The following RASA3 variants were observed in gnomAD, a reference collection of about 807,000 sequenced individuals.
RASA3 encodes ras GTPase-activating protein 3.
In RASA3, 73 loss-of-function variants were observed where a neutral mutation model predicts 110.0. The ratio of observed to expected loss-of-function variants is 0.66; its 90% CI spans 0.55 to 0.81. RASA3 has a LOEUF of 0.81. Among genes scored for constraint, RASA3 ranks in the 30% least tolerant of loss-of-function variants. The pLI, the probability that RASA3 is intolerant of heterozygous loss-of-function variation, is 0.00. For missense variants in RASA3, 976 were observed against 1,113.2 expected (o/e 0.88, Z 1.75); for synonymous variants, 500 against 451.4 (o/e 1.11, Z -1.37).
At chr13:114,079,491 C>T (rs2079746172) in intron 1 of RASA3, among the ~76,000 whole-genome samples, 1 of 152,224 alleles carries the variant, frequency 6.6e-6, no homozygotes, top group South Asian at 2.1e-4. Context: ...GCTAGGCACA[C>T]AGCGTCTTCT....
intron 1 of RASA3, among the ~76,000 whole-genome samples, chr13:114,113,326 G>A (rs1319842620): frequency 6.6e-6 from 1 of 152,212 alleles, no homozygotes; most frequent in African/African-American, 2.4e-5. Flanking sequence ...TGTGGCTTGA[G>A]CTCAGCACAG....
intron 1 of RASA3, among the ~76,000 whole-genome samples, chr13:114,090,587 C>T (rs903900594): frequency 2.6e-5 from 4 of 152,188 alleles, no homozygotes; most frequent in Non-Finnish European, 4.4e-5. Flanking sequence ...CTCATCACAG[C>T]GTGAGTCTGG....
intron 12 of RASA3, 42 bp from the exon 13 acceptor site, chr13:114,016,313 G>A (rs2053791115): frequency 6.9e-7 from 1 of 1,446,652 alleles, no homozygotes; most frequent in African/African-American, 1.4e-5. Context: ...GTGGGTTCTG[G>A]GGGCACAGGC....
intron 8 of RASA3, among the ~76,000 whole-genome samples, chr13:114,021,867 C>G (rs1319294157): frequency 6.6e-6 from 1 of 151,526 alleles, no homozygotes; most frequent in African/African-American, 2.4e-5. Flanking sequence ...CTGCGTGCAC[C>G]CAGGAGCTAC....
chr13:114,040,988 CGA>C lies in RASA3; in HGVS notation c.372+10_372+11del, dbSNP rs2054393271. 2.5e-6 allele frequency: 4 copies of C among 1,612,842 alleles called. No homozygotes were observed. The highest frequency in any genetic ancestry group is 2.7e-5 in the African/African-American group (2 of 74,932). On this transcript the variant is annotated intron_variant, in intron 4 of 23. Coordinates refer to ENST00000334062, the MANE Select transcript of RASA3 (RefSeq NM_007368.4). ...AGGGCTCTGGTTTCCGGGGCTGCGC[CGA>C]GAGTCTCACCTGCACTTCCGAGTCA...
intron 2 of RASA3, among the ~76,000 whole-genome samples, chr13:114,058,770 C>T (rs966797447): frequency 2.6e-5 from 4 of 152,238 alleles, no homozygotes; most frequent in Admixed American, 1.3e-4. Context: ...CCCTGCCCCT[C>T]GCAGGGGAGC....
chr13:114,014,773 A>C lies in RASA3; in HGVS notation c.1405+436T>G, dbSNP rs1022782479. 1.3e-5 allele frequency among the ~76,000 whole-genome samples: 2 copies of C among 151,762 alleles called. No homozygotes were observed. The highest frequency in any genetic ancestry group is 2.4e-5 in the African/African-American group (1 of 41,278). On this transcript the variant is annotated intron_variant, in intron 14 of 23. Coordinates refer to ENST00000334062, the MANE Select transcript of RASA3 (RefSeq NM_007368.4). This position sits in a 1 kb window ranked among gnomAD's most constrained non-coding sequence, Gnocchi z 4.5. ...ACGGGCAGGCAGAGCCCCCAACACCACTCTGGGCCCTGCCAGGGTCGGCCA... is the reference window on the plus strand; with the variant it reads ...ACGGGCAGGCAGAGCCCCCAACACCCCTCTGGGCCCTGCCAGGGTCGGCCA...
intron 2 of RASA3, among the ~76,000 whole-genome samples, chr13:114,070,347 C>A (rs1007979489): frequency 8.5e-5 from 13 of 152,058 alleles, no homozygotes; most frequent in African/African-American, 2.2e-4. Context: ...CTGCCTGACA[C>A]CTGCCTCTCA....
Position 114,018,129 on chromosome 13 carries a change from C to A in RASA3, c.1066G>T (p.Ala356Ser), listed in dbSNP as rs1452773154. The change falls in exon 11 of 24, where the codon GCC (alanine) becomes TCC (serine). Residue 356 changes from alanine to serine, a missense_variant. Physicochemically the swap from Ala to Ser is moderately conservative, Grantham distance 99. This residue lies in a region of RASA3 where 732 missense variants were observed against 779.7 expected (regional missense o/e 0.94). Transcript: ENST00000334062. ...GRVVPFISAI[A>S]SAEVKRTQDP... ...TGGGTCCGCTTCACCTCCGCGCTGG[C>A]GATGGCACTGATGAATGGCACCACC... The A allele has an allele frequency of 6.5e-7, 1 of 1,549,360 alleles. No homozygotes were observed. Among genetic ancestry groups the A allele is most frequent in the Non-Finnish European group, 8.7e-7 (1 of 1,146,300 alleles).
At chr13:114,095,548 T>C (rs1323562054) in intron 1 of RASA3, among the ~76,000 whole-genome samples, 1 of 152,188 alleles carries the variant, frequency 6.6e-6, no homozygotes. Flanking sequence ...GATTTTTCCA[T>C]GCTGTAGTCT....
rs563260170 is a variant in RASA3 at position 114,016,094 on chromosome 13, A to C, written c.1281+103T>G. On this transcript the variant is annotated intron_variant, in intron 13 of 23. Coordinates refer to ENST00000334062, the MANE Select transcript of RASA3 (RefSeq NM_007368.4). ...TATCCCCACGCCTGGTCCTGCTCCC[A>C]CCCCAACCGGGGTCACGGGGTGAGT... The C allele has an allele frequency of 5.5e-5, 58 of 1,047,656 alleles. No homozygotes were observed. The African/African-American group carries it at 8.5e-4, about 15-fold the overall frequency. 64.9% of individuals were successfully genotyped at this position (1,047,656 alleles called of 1,614,324 possible).
rs2080230155 is a variant in RASA3, at chr13:114,112,316, G to A, written c.55+20119C>T. On this transcript the variant is annotated intron_variant, in intron 1 of 23. Transcript: ENST00000334062. The surrounding 1 kb of genome is among the most constrained non-coding windows in gnomAD (Gnocchi z 4.8). ...CCCGGAGTCTTCTAGGGGGCCTGGG[G>A]CAGCCGGAACCTGGCCGGGTGGAGG... is the stretch of plus-strand genomic sequence containing the variant. Among the ~76,000 whole-genome samples, 1 of 152,232 alleles carries A rather than the reference G, an allele frequency of 6.6e-6. No individual in the cohort carries two copies. The highest frequency in any genetic ancestry group is 1.5e-5 in the Non-Finnish European group (1 of 68,038).
chr13:113,992,371 C>A, intron 22 of RASA3, 114 bp downstream of exon 22: 2 of 760,318 alleles, frequency 2.6e-6, no homozygotes, highest in Non-Finnish European at 2.2e-6. Flanking sequence ...TACATGTAGC[C>A]CACACTACAC....
intron 2 of RASA3, among the ~76,000 whole-genome samples, chr13:114,068,015 AAG>A (rs774591779): frequency 2.0e-5 from 3 of 152,238 alleles, no homozygotes; most frequent in Non-Finnish European, 4.4e-5. Flanking sequence ...TTTTAAACAA[AAG>A]AACTTTTCCT....
At chr13:114,121,226 G>A (rs941302572) in intron 1 of RASA3, among the ~76,000 whole-genome samples, 6 of 152,216 alleles carry the variant, frequency 3.9e-5, no homozygotes, top group Non-Finnish European at 5.9e-5. Flanking sequence ...GGCCACCCGC[G>A]GGGCATTCGG....
Position 114,115,534 on chromosome 13 carries a change from G to A in RASA3, c.55+16901C>T, listed in dbSNP as rs973973064. 1.3e-5 allele frequency among the ~76,000 whole-genome samples: 2 copies of A among 152,236 alleles called. No homozygotes were observed. Among genetic ancestry groups the A allele is most frequent in the African/African-American group, 4.8e-5 (2 of 41,454 alleles). ...CCTGTCGCAAGAGACTCATGCCCTA[G>A]AGATAAAGCCGTCGGAGGCAGAGTG... is the stretch of plus-strand genomic sequence containing the variant. On this transcript the variant is annotated intron_variant, in intron 1 of 23. Transcript: ENST00000334062. The surrounding 1 kb of genome is among the most constrained non-coding windows in gnomAD (Gnocchi z 5.0).
At chr13:114,113,501 G>A (rs967802645) in intron 1 of RASA3, among the ~76,000 whole-genome samples, 6 of 152,232 alleles carry the variant, frequency 3.9e-5, no homozygotes, top group Admixed American at 1.3e-4. Context: ...AATGCTACCC[G>A]GGAATGTAAA....
chr13:114,043,837 G>GCCCCCCCCCCCCCCCCCCCC (rs544129523), intron 3 of RASA3, among the ~76,000 whole-genome samples: 7 of 22,826 alleles, frequency 3.1e-4, no homozygotes, highest in African/African-American at 1.4e-3. Context: ...CACTCGCTGA[G>GCCCCCCCCCCCCCCCCCCCC]CCCCCCGCCC....
At chr13:114,062,186 G>GA (rs1347888335) in intron 2 of RASA3, among the ~76,000 whole-genome samples, 2 of 127,120 alleles carry the variant, frequency 1.6e-5, no homozygotes, top group Non-Finnish European at 3.6e-5. Context: ...ATTTTCCTGT[G>GA]GGTTTTTTTT....
Sources: allele counts gnomAD v4.1 joint callset (sites outside exome capture counted in the v4.1 genomes callset), GRCh38; gene constraint gnomAD v4.1.1; regional missense constraint gnomAD v4.1.1; non-coding constraint Gnocchi (gnomAD v3.1); transcripts MANE v1.5; gene names NCBI Gene and HGNC (gene_info 2026-07-23, HGNC 2026-07-21).